The following YKT6 variants were observed in gnomAD, a reference collection of about 807,000 sequenced individuals.
The protein encoded by YKT6 is YKT6 vesicular SNARE protein.
In YKT6, 12 loss-of-function variants were observed where a neutral mutation model predicts 29.3. The observed-to-expected ratio is 0.41, with a 90% CI of 0.26 to 0.66. The LOEUF is 0.66. Ranked by LOEUF, YKT6 falls within the 30% of genes least tolerant of loss-of-function variation. YKT6 has a pLI of 0.32. For missense variants in YKT6, 188 were observed against 243.8 expected (o/e 0.77, Z 1.52); for synonymous variants, 86 against 94.3 (o/e 0.91, Z 0.51).
chr7:44,205,004 G>A (rs1282724064), intron 2 of YKT6, among the ~76,000 whole-genome samples: 1 of 152,162 alleles, frequency 6.6e-6, no homozygotes, highest in East Asian at 1.9e-4. Context: ...TCTGTGCATC[G>A]TAGATTTTTT....
chr7:44,207,546 A>T lies in YKT6; in HGVS notation c.393+54A>T, dbSNP rs1309449756. 1.9e-6 allele frequency: 3 copies of T among 1,541,088 alleles called. No homozygotes were observed. The African/African-American group carries it at 4.1e-5, about 21-fold the overall frequency. On this transcript the variant is annotated intron_variant, in intron 4 of 6. Transcript: ENST00000223369. Reference sequence around the variant, plus strand: ...CCATGTGGCCCAGAATCCATGTGAAACTGAAAAAGCCAACTGCCCTGATAG... The same window carrying T: ...CCATGTGGCCCAGAATCCATGTGAATCTGAAAAAGCCAACTGCCCTGATAG...
chr7:44,213,271 A>T lies in YKT6; in HGVS notation c.*989A>T, dbSNP rs2096348852. 1 of 152,264 alleles carries T rather than the reference A, an allele frequency of 6.6e-6. No individual in the cohort carries two copies. The highest frequency in any genetic ancestry group is 1.9e-4 in the East Asian group (1 of 5,202). The allele number at this position is 152,264 out of a possible 1,614,324, so 9.4% of individuals were successfully genotyped here. A position where few individuals can be genotyped will look rare whatever the true frequency, so the allele number is the denominator to read the frequency against. ...GCCTTGAACCGCCTGAGGCCTATGC[A>T]TCTGAACAAGTGGGTCTCTCCCTTG... On this transcript the variant is annotated 3_prime_UTR_variant, in exon 7 of 7. Coordinates refer to ENST00000223369, the MANE Select transcript of YKT6 (RefSeq NM_006555.4).
intron 5 of YKT6, among the ~76,000 whole-genome samples, chr7:44,209,999 A>G (rs1243455460): frequency 6.6e-6 from 1 of 152,230 alleles, no homozygotes; most frequent in Non-Finnish European, 1.5e-5. Context: ...AATAGGTAGA[A>G]TTTAATTTAA....
chr7:44,212,228 CTCTT>C lies in YKT6; in HGVS notation c.562-17_562-14del. 6.2e-7 allele frequency: 1 copy of C among 1,614,076 alleles called. No individual in the cohort carries two copies. Among genetic ancestry groups the C allele is most frequent in the Non-Finnish European group, 8.5e-7 (1 of 1,180,002 alleles). On this transcript the variant is annotated splice_polypyrimidine_tract_variant and intron_variant, in intron 6 of 6. Coordinates refer to ENST00000223369, the MANE Select transcript of YKT6 (RefSeq NM_006555.4). The stretch of plus-strand genomic sequence containing the variant: ...CTTCGTCAGTCCTCCTTCTCAGCTC[CTCTT>C]TGTTTTTTTCCAAGGCCCGGAAACA...
intron 3 of YKT6, 78 bp from the exon 4 acceptor site, chr7:44,207,310 C>T: frequency 7.8e-7 from 1 of 1,287,460 alleles, no homozygotes; most frequent in Non-Finnish European, 1.1e-6. Flanking sequence ...GGGTGAGGTG[C>T]TCAGGGGTGA....
rs377251971 is a variant in YKT6 at position 44,201,171 on chromosome 7, C to T, written c.36C>T (p.Gly12=). 5.7e-5 allele frequency: 92 copies of T among 1,612,206 alleles called. No homozygotes were observed. The South Asian group carries it at 8.9e-4, about 16-fold the overall frequency. Residue 12 remains glycine, a synonymous_variant, in exon 1 of 7, where the codon GGC becomes GGT. Coordinates refer to ENST00000223369, the MANE Select transcript of YKT6 (RefSeq NM_006555.4). ...ACAGCCTCAGCGTCCTCTACAAAGG[C>T]GAGGCCAAGGTGGTGCTGCTCAAAG... ...KLYSLSVLYK[G]EAKVVLLKAA...
intron 2 of YKT6, 107 bp from the exon 3 acceptor site, chr7:44,206,278 C>A: frequency 8.9e-7 from 1 of 1,121,214 alleles, no homozygotes; most frequent in Non-Finnish European, 1.3e-6. Flanking sequence ...ATTGAGCTTC[C>A]GAGTGGCTTC....
intron 2 of YKT6, among the ~76,000 whole-genome samples, chr7:44,204,895 G>C (rs2072440): frequency 0.054 from 8,245 of 152,332 alleles, 286 homozygotes; most frequent in East Asian, 0.085. Flanking sequence ...TTTTGGAGCA[G>C]TAAGCAGCCT....
intron 5 of YKT6, chr7:44,210,704 G>A (rs948230543): frequency 2.4e-5 from 10 of 409,572 alleles, no homozygotes; most frequent in Admixed American, 1.2e-4. Flanking sequence ...ACACACAAAT[G>A]TATATATAAA....
chr7:44,205,153 T>C (rs1398773576), intron 2 of YKT6, among the ~76,000 whole-genome samples: 1 of 152,222 alleles, frequency 6.6e-6, no homozygotes, highest in East Asian at 1.9e-4. Context: ...ATCTCACACT[T>C]ATGCTAACCT....
At chr7:44,208,532 G>A in intron 5 of YKT6, 1 of 318,812 alleles carries the variant, frequency 3.1e-6, no homozygotes, top group Non-Finnish European at 6.1e-6. Flanking sequence ...TGGTGCCTTT[G>A]TTAGGGTTTC....
intron 5 of YKT6, among the ~76,000 whole-genome samples, chr7:44,209,417 C>T (rs190130498): frequency 6.6e-6 from 1 of 152,292 alleles, no homozygotes; most frequent in African/African-American, 2.4e-5. Flanking sequence ...TTCTTACCAC[C>T]TAGGTGGCAT....
At chr7:44,205,790 C>G (rs934737813) in intron 2 of YKT6, among the ~76,000 whole-genome samples, 1 of 152,184 alleles carries the variant, frequency 6.6e-6, no homozygotes, top group African/African-American at 2.4e-5. Context: ...AGGATTTTAG[C>G]ACAGTGCTCT....
chr7:44,206,601 T>C (rs2096341150), intron 3 of YKT6, 116 bp downstream of exon 3: 1 of 971,326 alleles, frequency 1.0e-6, no homozygotes, highest in Non-Finnish European at 1.6e-6. Flanking sequence ...GTGTCCAAAG[T>C]CAACACATTT....
intron 3 of YKT6, 101 bp from the exon 4 acceptor site, chr7:44,207,287 G>A: frequency 1.1e-6 from 1 of 913,710 alleles, no homozygotes; most frequent in Non-Finnish European, 1.7e-6. Flanking sequence ...TGAAGGCCAA[G>A]GAGCCTCATT....
chr7:44,212,408 T>G lies in YKT6; in HGVS notation c.*126T>G, dbSNP rs536306411. The G allele has an allele frequency of 1.2e-5, 15 of 1,225,218 alleles. No individual in the cohort carries two copies. The Admixed American group carries it at 2.5e-4, about 20-fold the overall frequency. 75.9% of individuals were successfully genotyped at this position (1,225,218 alleles called of 1,614,324 possible). A position where few individuals can be genotyped will look rare whatever the true frequency, so the allele number is the denominator to read the frequency against. On this transcript the variant is annotated 3_prime_UTR_variant, in exon 7 of 7. Transcript: ENST00000223369. Reference sequence around the variant, plus strand: ...GGGGGCAGACTGGCCATTTTTATTTTGAAGTTCCTGCGAGAAATGGATGGT... The same window carrying G: ...GGGGGCAGACTGGCCATTTTTATTTGGAAGTTCCTGCGAGAAATGGATGGT...
intron 1 of YKT6, among the ~76,000 whole-genome samples, chr7:44,201,514 T>A (rs951364858): frequency 6.6e-6 from 1 of 152,244 alleles, no homozygotes; most frequent in Non-Finnish European, 1.5e-5. Context: ...GGAACCAACA[T>A]TAGCTCTTTA....
At chr7:44,205,590 A>G (rs1183094846) in intron 2 of YKT6, among the ~76,000 whole-genome samples, 1 of 152,162 alleles carries the variant, frequency 6.6e-6, no homozygotes, top group African/African-American at 2.4e-5. Context: ...TAGCATTGGA[A>G]TCTTCTGGGT....
intron 5 of YKT6, among the ~76,000 whole-genome samples, chr7:44,209,111 C>T (rs55708747): frequency 0.011 from 1,719 of 152,310 alleles, 29 homozygotes; most frequent in African/African-American, 0.039. Context: ...CCATCCTGCT[C>T]ATGATACAGT....
Sources: gnomAD v4.1 joint callset for allele counts (sites outside exome capture counted in the v4.1 genomes callset) on GRCh38, gnomAD v4.1.1 for gene constraint, MANE v1.5 for transcripts, NCBI Gene and HGNC (gene_info 2026-07-23, HGNC 2026-07-21) for gene names.